Variants in RBFOX1 observed in about 807,000 individuals in gnomAD.
RBFOX1 encodes RNA binding protein fox-1 homolog 1.
RBFOX1 carries 8 observed loss-of-function variants against 57.7 expected under a neutral mutation model. The ratio of observed to expected loss-of-function variants is 0.14; its 90% CI spans 0.08 to 0.25. The LOEUF is 0.25. Among genes scored for constraint, RBFOX1 ranks in the 10% least tolerant of loss-of-function variants. The pLI is 1.00. For missense variants in RBFOX1, 611 were observed against 548.5 expected (o/e 1.11, Z -1.14); for synonymous variants, 326 against 222.4 (o/e 1.47, Z -4.15).
rs946689475 is a variant in RBFOX1, at chr16:7,327,858, A to T, written c.28-190289A>T. ...CAGACAAATCATTATCATGATCATC[A>T]TCATCCCCTTCTGTGGACTGGACTT... On this transcript the variant is annotated intron_variant, in intron 4 of 15. Transcript: ENST00000550418. Among the ~76,000 whole-genome samples the T allele has an allele frequency of 2.2e-4, 33 of 151,638 alleles. 1 individual carries two copies. Among genetic ancestry groups the T allele is most frequent in the Admixed American group, 8.5e-4 (13 of 15,224 alleles).
chr16:6,884,134 C>T (rs758373426), intron 3 of RBFOX1, among the ~76,000 whole-genome samples: 7 of 152,290 alleles, frequency 4.6e-5, no homozygotes, highest in Middle Eastern at 6.8e-3. Flanking sequence ...GATGCTCGAC[C>T]GAGCAGAGCT....
chr16:6,752,463 A>C (rs1272052259), intron 3 of RBFOX1, among the ~76,000 whole-genome samples: 2 of 152,206 alleles, frequency 1.3e-5, no homozygotes, highest in African/African-American at 4.8e-5. Context: ...GAGATGGAAT[A>C]TGACATGCTC....
intron 1 of RBFOX1, among the ~76,000 whole-genome samples, chr16:6,299,812 G>T (rs940399114): frequency 6.6e-6 from 1 of 151,992 alleles, no homozygotes; most frequent in African/African-American, 2.4e-5. Context: ...AGTCTGTCGG[G>T]GTTCAGTTTC....
intron 1 of RBFOX1, among the ~76,000 whole-genome samples, chr16:6,020,657 C>T (rs920426419): frequency 1.3e-5 from 2 of 152,148 alleles, no homozygotes; most frequent in African/African-American, 4.8e-5. Flanking sequence ...GAGAAGGAAA[C>T]ACAGGGGTAG....
intron 4 of RBFOX1, among the ~76,000 whole-genome samples, chr16:7,449,993 T>A (rs1222242466): frequency 6.6e-6 from 1 of 152,094 alleles, no homozygotes; most frequent in African/African-American, 2.4e-5. Flanking sequence ...AGAAGGGCAC[T>A]CCGGGCCAGT....
intron 4 of RBFOX1, among the ~76,000 whole-genome samples, chr16:7,118,304 C>G (rs1270186253): frequency 6.6e-6 from 1 of 152,020 alleles, no homozygotes; most frequent in South Asian, 2.1e-4. Context: ...GGTGGTAGCT[C>G]ATTATGGTTT....
At chr16:6,598,072 T>C (rs1291463464) in intron 2 of RBFOX1, among the ~76,000 whole-genome samples, 3 of 152,216 alleles carry the variant, frequency 2.0e-5, no homozygotes, top group African/African-American at 4.8e-5. Flanking sequence ...GGTTTGGTTT[T>C]CTGGTACTTG....
At chr16:6,815,439 G>C (rs927650985) in intron 3 of RBFOX1, among the ~76,000 whole-genome samples, 3 of 152,080 alleles carry the variant, frequency 2.0e-5, no homozygotes, top group African/African-American at 7.2e-5. Context: ...GAGTCACTCT[G>C]GTTCAAACAC....
chr16:7,689,840 C>G (rs2076941733), intron 14 of RBFOX1, among the ~76,000 whole-genome samples: 1 of 152,064 alleles, frequency 6.6e-6, no homozygotes, highest in Non-Finnish European at 1.5e-5. Flanking sequence ...AGAGCAGTTT[C>G]TCTTTCAGGA....
At chr16:7,464,979 G>A (rs2060244558) in intron 4 of RBFOX1, among the ~76,000 whole-genome samples, 1 of 151,824 alleles carries the variant, frequency 6.6e-6, no homozygotes, top group African/African-American at 2.4e-5. Flanking sequence ...TTACAGGGAT[G>A]AGCCACCGAG....
intron 12 of RBFOX1, among the ~76,000 whole-genome samples, chr16:7,663,486 G>A (rs549848179): frequency 2.3e-4 from 35 of 149,434 alleles, no homozygotes; most frequent in African/African-American, 7.7e-4. Flanking sequence ...TCACAGCTGC[G>A]TGTGTGTGTC....
chr16:6,666,710 A>T (rs11641179), intron 3 of RBFOX1, among the ~76,000 whole-genome samples: 1 of 151,934 alleles, frequency 6.6e-6, no homozygotes, highest in African/African-American at 2.4e-5. Flanking sequence ...TGTGCTCCTC[A>T]TGCTCAGGGC....
intron 3 of RBFOX1, among the ~76,000 whole-genome samples, chr16:7,043,189 G>C (rs887231945): frequency 6.6e-6 from 1 of 152,120 alleles, no homozygotes; most frequent in Non-Finnish European, 1.5e-5. Context: ...ACAACTGACT[G>C]ATGTCTCCTC....
At chr16:7,684,441 T>A (rs1330593799) in intron 14 of RBFOX1, among the ~76,000 whole-genome samples, 1 of 152,106 alleles carries the variant, frequency 6.6e-6, no homozygotes, top group Non-Finnish European at 1.5e-5. Context: ...TACATTATGA[T>A]GTGTGACTGT....
At chr16:7,710,051 C>G in intron 15 of RBFOX1, 2 of 1,001,554 alleles carry the variant, frequency 2.0e-6, no homozygotes, top group Non-Finnish European at 2.4e-6. Flanking sequence ...CACTGAAGCT[C>G]AGTCATAGAA....
intron 3 of RBFOX1, chr16:6,775,828 C>G (rs1333900659): frequency 6.6e-6 from 1 of 152,176 alleles, no homozygotes; most frequent in Non-Finnish European, 1.5e-5. Flanking sequence ...ATCCATGTGT[C>G]TTATGAAAAT....
chr16:6,559,169 G>C (rs1397028540), intron 2 of RBFOX1, among the ~76,000 whole-genome samples: 1 of 148,912 alleles, frequency 6.7e-6, no homozygotes, highest in Non-Finnish European at 1.5e-5. Context: ...CTGTTTGTGT[G>C]TACATATATA....
intron 11 of RBFOX1, among the ~76,000 whole-genome samples, chr16:7,636,767 G>A (rs1001215766): frequency 6.6e-6 from 1 of 152,182 alleles, no homozygotes; most frequent in African/African-American, 2.4e-5. Context: ...TTAGGTTCCG[G>A]TGAGGGCTTT....
chr16:6,525,259 G>C (rs1408984210), intron 2 of RBFOX1, among the ~76,000 whole-genome samples: 1 of 152,194 alleles, frequency 6.6e-6, no homozygotes, highest in Non-Finnish European at 1.5e-5. Context: ...GTGGCACTCA[G>C]AGAACCACTG....
Sources: allele counts gnomAD v4.1 joint callset (sites outside exome capture counted in the v4.1 genomes callset), GRCh38; gene constraint gnomAD v4.1.1; transcripts MANE v1.5; gene names NCBI Gene and HGNC (gene_info 2026-07-23, HGNC 2026-07-21).